Variants in TMEM209 observed in about 807,000 individuals in gnomAD.
TMEM209 encodes testicular tissue protein Li 202.
TMEM209 carries 65 observed loss-of-function variants against 76.2 expected under a neutral mutation model. The ratio of observed to expected loss-of-function variants is 0.85; its 90% CI spans 0.70 to 1.05. TMEM209 has a LOEUF of 1.05. TMEM209 is among the 50% of genes least tolerant of loss of function. The pLI is 0.00. For missense variants in TMEM209, 623 were observed against 685.5 expected (o/e 0.91, Z 1.02); for synonymous variants, 239 against 237.6 (o/e 1.01, Z -0.06).
chr7:130,169,194 CAA>C (rs11463128), intron 14 of TMEM209, among the ~76,000 whole-genome samples: 9 of 74,878 alleles, frequency 1.2e-4, no homozygotes, highest in East Asian at 3.6e-4. Flanking sequence ...GACTCCATCT[CAA>C]AAAAAAAAAA....
intron 5 of TMEM209, among the ~76,000 whole-genome samples, chr7:130,198,747 T>C (rs748807460): frequency 1.2e-4 from 18 of 152,222 alleles, no homozygotes; most frequent in Non-Finnish European, 1.9e-4. Context: ...ACCTAATATT[T>C]TGGTGAGTAT....
rs1007432285 is a variant in TMEM209, at chr7:130,178,646, C to T, written c.1121-119G>A. On this transcript the variant is annotated intron_variant, in intron 9 of 14. Transcript: ENST00000397622. ...TCCTCACTACCTTCAGGTCTTCATA[C>T]AAGTCAATGACGTCTCCCCTGACGA... 12 of 1,198,206 alleles carry T rather than the reference C, an allele frequency of 1.0e-5. No individual in the cohort carries two copies. In the African/African-American group the frequency reaches 1.7e-4, roughly 17 times the overall value. 74.2% of individuals were successfully genotyped at this position (1,198,206 alleles called of 1,614,324 possible).
chr7:130,192,403 A>C, intron 6 of TMEM209: 1 of 516,140 alleles, frequency 1.9e-6, no homozygotes. Flanking sequence ...AAAGCTTTCA[A>C]TCTTATTGTA....
intron 5 of TMEM209, chr7:130,200,021 A>C (rs1584696672): frequency 6.6e-6 from 1 of 152,086 alleles, no homozygotes. Context: ...AAATGAGAAA[A>C]TTATCATCTT....
Position 130,175,496 on chromosome 7 carries a change from G to T in TMEM209, c.1344+16C>A. 1 of 1,603,920 alleles carries T rather than the reference G, an allele frequency of 6.2e-7. No homozygotes were observed. Among genetic ancestry groups the T allele is most frequent in the Non-Finnish European group, 8.5e-7 (1 of 1,174,558 alleles). The stretch of plus-strand genomic sequence containing the variant: ...ACAGTAAATAAATAAATGAATGAAA[G>T]AATCTAGGGGCTTACAGCAGAATCG... On this transcript the variant is annotated intron_variant, in intron 11 of 14. Coordinates refer to ENST00000397622, the MANE Select transcript of TMEM209 (RefSeq NM_032842.4).
At chr7:130,186,847 G>A (rs1286092837) in intron 6 of TMEM209, among the ~76,000 whole-genome samples, 1 of 152,098 alleles carries the variant, frequency 6.6e-6, no homozygotes, top group African/African-American at 2.4e-5. Context: ...AAAGACCTAA[G>A]AGTCAAAGCA....
Position 130,184,176 on chromosome 7 carries a change from G to T in TMEM209, c.1023+8C>A. 1 of 1,593,064 alleles carries T rather than the reference G, an allele frequency of 6.3e-7. No homozygotes were observed. The highest frequency in any genetic ancestry group is 8.6e-7 in the Non-Finnish European group (1 of 1,168,292). ...TAATATTGTCCAAAGAGTAATGTCA[G>T]AACTTACATTTCTAAATTTAGCTGT... On this transcript the variant is annotated splice_region_variant and intron_variant, in intron 8 of 14. Transcript: ENST00000397622.
rs62491980 is a variant in TMEM209, at chr7:130,205,362, C to G, written c.3+11G>C. The G allele has an allele frequency of 2.5e-5, 40 of 1,613,950 alleles. No homozygotes were observed. In the South Asian group the frequency reaches 3.4e-4, roughly 14 times the overall value. On this transcript the variant is annotated intron_variant, in intron 1 of 14. Coordinates refer to ENST00000397622, the MANE Select transcript of TMEM209 (RefSeq NM_032842.4). ...AAGACAGGAAGCACAAACACGACCC[C>G]GAAAACGCACCATGTCCTCTGGCCG...
intron 5 of TMEM209, among the ~76,000 whole-genome samples, chr7:130,201,556 C>T (rs999093075): frequency 7.9e-5 from 12 of 152,056 alleles, no homozygotes; most frequent in African/African-American, 2.7e-4. Context: ...AGAGGGAAAA[C>T]AGGAGTAAAA....
At chr7:130,203,309 C>T (rs1417652912) in intron 3 of TMEM209, among the ~76,000 whole-genome samples, 2 of 152,132 alleles carry the variant, frequency 1.3e-5, no homozygotes, top group Non-Finnish European at 2.9e-5. Context: ...CAACTTGGCA[C>T]ACTATCTCCC....
chr7:130,197,746 G>A (rs968332237), intron 5 of TMEM209, among the ~76,000 whole-genome samples: 9 of 152,126 alleles, frequency 5.9e-5, no homozygotes, highest in African/African-American at 2.2e-4. Context: ...TATTCATTTT[G>A]GTTTACACTT....
In TMEM209 at chr7:130,181,734, G is replaced by C. The variant is rs1329033823; in HGVS notation, c.1024-15C>G. 6.3e-7 allele frequency: 1 copy of C among 1,588,216 alleles called. No individual in the cohort carries two copies. Among genetic ancestry groups the C allele is most frequent in the East Asian group, 2.3e-5 (1 of 44,414 alleles). On this transcript the variant is annotated splice_polypyrimidine_tract_variant and intron_variant, in intron 8 of 14. Transcript: ENST00000397622. The stretch of plus-strand genomic sequence containing the variant: ...TCATTGATCCACTAGAAGAAATAAG[G>C]TACAGATTTTGGATACATAATTCCC...
In TMEM209 at chr7:130,179,373, A is replaced by C. The variant is rs570674755; in HGVS notation, c.1121-846T>G. On this transcript the variant is annotated intron_variant, in intron 9 of 14. Transcript: ENST00000397622. Reference sequence around the variant, plus strand: ...AGAAGCAGCCAAATCGATTTTGGCAAATCTATAAACAACTAATATACAGAA... The same window carrying C: ...AGAAGCAGCCAAATCGATTTTGGCACATCTATAAACAACTAATATACAGAA... Among the ~76,000 whole-genome samples the C allele has an allele frequency of 5.9e-5, 9 of 152,320 alleles. No homozygotes were observed. In the South Asian group the frequency reaches 1.0e-3, roughly 18 times the overall value.
intron 5 of TMEM209, among the ~76,000 whole-genome samples, chr7:130,193,662 C>T (rs1293085244): frequency 6.6e-6 from 1 of 151,616 alleles, no homozygotes; most frequent in African/African-American, 2.4e-5. Context: ...AAGTACATGA[C>T]GTTCTAGAAA....
chr7:130,203,803 G>T lies in TMEM209; in HGVS notation c.184C>A (p.Pro62Thr), dbSNP rs748919176. Residue 62 changes from proline to threonine, a missense_variant, in exon 3 of 15, where the codon CCC becomes ACC. Pro to Thr is a conservative substitution (Grantham distance 38, BLOSUM62 -1). Coordinates refer to ENST00000397622, the MANE Select transcript of TMEM209 (RefSeq NM_032842.4). Reference protein sequence around the residue: ...ISSYYNVTYWPLWYIELALAS... With the variant: ...ISSYYNVTYWTLWYIELALAS... ...ACTTACTTACCAATATACCAGAGGG[G>T]CCAGTATGTCACATTGTAGTATGAA... The T allele has an allele frequency of 1.1e-5, 18 of 1,604,852 alleles. No homozygotes were observed. The South Asian group carries it at 1.9e-4, about 17-fold the overall frequency.
intron 7 of TMEM209, 74 bp downstream of exon 7, chr7:130,185,118 A>G: frequency 6.8e-7 from 1 of 1,472,906 alleles, no homozygotes; most frequent in East Asian, 2.3e-5. Context: ...TTACAGAAAA[A>G]ATGTTCCAGA....
intron 6 of TMEM209, among the ~76,000 whole-genome samples, chr7:130,188,662 G>T (rs1797694986): frequency 6.7e-6 from 1 of 150,330 alleles, no homozygotes; most frequent in African/African-American, 2.4e-5. Context: ...CAAGGACAAG[G>T]ATCATCAACA....
At chr7:130,190,734 C>A (rs1031199452) in intron 6 of TMEM209, among the ~76,000 whole-genome samples, 2 of 152,010 alleles carry the variant, frequency 1.3e-5, no homozygotes, top group African/African-American at 4.8e-5. Flanking sequence ...CAATGGCTTA[C>A]GCCTATAATC....
rs76248150 is a variant in TMEM209 at position 130,171,734 on chromosome 7, T to A, written c.1558-1261A>T. 1.6e-3 allele frequency among the ~76,000 whole-genome samples: 249 copies of A among 152,270 alleles called. 1 individual carries two copies. The highest frequency in any genetic ancestry group is 5.7e-3 in the African/African-American group (235 of 41,550). ...TTATCAACAGAACTGATGCTTGTAA[T>A]TAAGAGTAAAAAACCAGTGTGGCAG... On this transcript the variant is annotated intron_variant, in intron 13 of 14. Transcript: ENST00000397622.
Sources: gnomAD v4.1 joint callset for allele counts (sites outside exome capture counted in the v4.1 genomes callset) on GRCh38, gnomAD v4.1.1 for gene constraint, MANE v1.5 for transcripts, NCBI Gene and HGNC (gene_info 2026-07-23, HGNC 2026-07-21) for gene names.